ELFN1: variants seen among roughly 807,000 people sequenced by gnomAD.
ELFN1 encodes extracellular leucine rich repeat and fibronectin type III domain containing 1, also known as protein ELFN1.
A neutral mutation model predicts 7.6 loss-of-function variants in ELFN1; 6 were observed. That is an observed-to-expected ratio of 0.79 (90% CI 0.43 to 1.56). ELFN1 has a LOEUF of 1.56. Ranked by LOEUF, ELFN1 falls within the 40% of genes most tolerant of loss-of-function variation. The probability of loss-of-function intolerance (pLI) is 0.01; values close to 1 mark genes in which losing one functional copy is unlikely to be tolerated. For missense variants in ELFN1, 1,169 were observed against 1,232.2 expected, an observed-to-expected ratio of 0.95 and a Z score of 0.77; for synonymous variants, 657 against 588.1, an observed-to-expected ratio of 1.12 and a Z score of -1.70.
intron 2 of ELFN1, among the ~76,000 whole-genome samples, chr7:1,697,106 C>T (rs1025621029): frequency 1.5e-4 from 23 of 152,274 alleles, no homozygotes; most frequent in Admixed American, 1.1e-3. Flanking sequence ...CTGGGCTTCG[C>T]GGCAGGGGTG....
chr7:1,672,788 C>T (rs1238868688), intron 1 of ELFN1, among the ~76,000 whole-genome samples: 1 of 152,066 alleles, frequency 6.6e-6, no homozygotes. Flanking sequence ...CCGTGCCAGA[C>T]TCAGACACCA....
intron 3 of ELFN1, among the ~76,000 whole-genome samples, chr7:1,717,429 GAC>G (rs1260187347): frequency 6.6e-6 from 1 of 152,210 alleles, no homozygotes; most frequent in Non-Finnish European, 1.5e-5. Context: ...GAGACTCTGG[GAC>G]ACCCAGGAAG....
chr7:1,706,532 C>T (rs894525989), intron 2 of ELFN1, among the ~76,000 whole-genome samples: 2 of 152,256 alleles, frequency 1.3e-5, no homozygotes, highest in East Asian at 1.9e-4. Context: ...CCACCCTCCA[C>T]GACATGCAAA....
At chr7:1,741,869 C>T (rs1330460540) in intron 3 of ELFN1, among the ~76,000 whole-genome samples, 2 of 152,078 alleles carry the variant, frequency 1.3e-5, no homozygotes, top group African/African-American at 4.8e-5. Context: ...AGGGGGTCCT[C>T]AGTGACACCT....
In ELFN1 at chr7:1,695,134, G is replaced by C. The variant is rs117688552; in HGVS notation, c.-456+6984G>C. Among the ~76,000 whole-genome samples the C allele has an allele frequency of 6.5e-3, 989 of 152,340 alleles. 7 individuals carry two copies. The highest frequency in any genetic ancestry group is 0.014 in the Middle Eastern group (4 of 294). On this transcript the variant is annotated intron_variant, in intron 2 of 3. Transcript: ENST00000424383. This position sits in a 1 kb window ranked among gnomAD's most constrained non-coding sequence, Gnocchi z 5.1. The stretch of plus-strand genomic sequence containing the variant: ...GACGTGGCCGACAGGCACATGGTGG[G>C]ACCTGCTCTGTGGCTCCAGAGCTCA...
chr7:1,678,572 C>T (rs1778917102), intron 1 of ELFN1, among the ~76,000 whole-genome samples: 1 of 152,210 alleles, frequency 6.6e-6, no homozygotes, highest in South Asian at 2.1e-4. Flanking sequence ...GCCCCCACCC[C>T]ACATTTTACA....
intron 3 of ELFN1, among the ~76,000 whole-genome samples, chr7:1,738,466 C>T (rs1376166384): frequency 1.5e-4 from 23 of 152,070 alleles, no homozygotes; most frequent in Admixed American, 1.5e-3. Flanking sequence ...GGCCGGGTGT[C>T]GTGACATACA....
At chr7:1,680,795 G>A (rs1583312781) in intron 1 of ELFN1, among the ~76,000 whole-genome samples, 1 of 145,572 alleles carries the variant, frequency 6.9e-6, no homozygotes, top group Middle Eastern at 3.5e-3. Context: ...AGGCTGGAGT[G>A]CAGTGGTGCG....
chr7:1,691,091 G>T (rs553328856), intron 2 of ELFN1, among the ~76,000 whole-genome samples: 6 of 152,258 alleles, frequency 3.9e-5, no homozygotes, highest in South Asian at 2.1e-4. Flanking sequence ...AGATAATGAG[G>T]CCCCCAGAAG....
At chr7:1,668,507 G>A (rs1443196318), upstream of ELFN1, among the ~76,000 whole-genome samples, 4 of 152,230 alleles carry the variant, frequency 2.6e-5, no homozygotes, top group African/African-American at 9.6e-5. Flanking sequence ...CCCGGAGCCC[G>A]GTGGTCATCT....
In ELFN1 at chr7:1,744,296, T is replaced by C. The variant is rs964754988; in HGVS notation, c.-293-8T>C. The C allele has an allele frequency of 2.6e-6, 1 of 379,468 alleles. No individual in the cohort carries two copies. Among genetic ancestry groups the C allele is most frequent in the Non-Finnish European group, 4.6e-6 (1 of 215,288 alleles). 23.5% of individuals were successfully genotyped at this position (379,468 alleles called of 1,614,324 possible). The stretch of plus-strand genomic sequence containing the variant: ...CCCCTGACCGCTGTCTTCTCTCTTG[T>C]CTTGCAGCAGGAACGTCGGAGCAGG... On this transcript the variant is annotated splice_region_variant and splice_polypyrimidine_tract_variant and intron_variant, in intron 3 of 3. Transcript: ENST00000424383.
Position 1,695,104 on chromosome 7 carries a change from C to T in ELFN1, c.-456+6954C>T, listed in dbSNP as rs1779272813. Reference sequence around the variant, plus strand: ...TCCGGATGCACGTGGCTGTGCCAGGCAGCAGACGTGGCCGACAGGCACATG... The same window carrying T: ...TCCGGATGCACGTGGCTGTGCCAGGTAGCAGACGTGGCCGACAGGCACATG... On this transcript the variant is annotated intron_variant, in intron 2 of 3. Transcript: ENST00000424383. The surrounding 1 kb of genome is among the most constrained non-coding windows in gnomAD (Gnocchi z 5.1). Among the ~76,000 whole-genome samples, 1 of 152,232 alleles carries T rather than the reference C, an allele frequency of 6.6e-6. No homozygotes were observed. The highest frequency in any genetic ancestry group is 6.5e-5 in the Admixed American group (1 of 15,290).
intron 1 of ELFN1, among the ~76,000 whole-genome samples, 136 bp from the exon 2 acceptor site, chr7:1,687,922 G>C (rs915709160): frequency 1.3e-5 from 2 of 151,524 alleles, no homozygotes; most frequent in African/African-American, 4.8e-5. Flanking sequence ...ATAGAGACAG[G>C]GTCTTACTAT....
At chr7:1,716,161 C>A (rs1185641599) in intron 3 of ELFN1, among the ~76,000 whole-genome samples, 1 of 152,224 alleles carries the variant, frequency 6.6e-6, no homozygotes. Context: ...TGTTCCCATC[C>A]CCTGCTCACC....
At chr7:1,712,409 G>A (rs1449585440) in intron 3 of ELFN1, among the ~76,000 whole-genome samples, 2 of 146,424 alleles carry the variant, frequency 1.4e-5, no homozygotes, top group African/African-American at 5.1e-5. Context: ...CATGAGCCAC[G>A]GTGCCCAGCC....
chr7:1,678,262 G>A (rs1305582244), intron 1 of ELFN1, among the ~76,000 whole-genome samples: 1 of 152,162 alleles, frequency 6.6e-6, no homozygotes, highest in Non-Finnish European at 1.5e-5. Context: ...ATGGGGTCCT[G>A]GAGTGCAGCC....
intron 1 of ELFN1, among the ~76,000 whole-genome samples, chr7:1,675,348 G>A (rs565138509): frequency 2.1e-4 from 32 of 152,334 alleles, no homozygotes; most frequent in African/African-American, 7.2e-4. Flanking sequence ...GTCTGTCCAC[G>A]TGACAGGTGC....
intron 2 of ELFN1, among the ~76,000 whole-genome samples, chr7:1,697,257 C>T (rs1562364458): frequency 6.6e-6 from 1 of 152,154 alleles, no homozygotes; most frequent in Non-Finnish European, 1.5e-5. Context: ...CCCATATTCC[C>T]ATCCATGGAC....
intron 3 of ELFN1, among the ~76,000 whole-genome samples, chr7:1,736,047 T>G (rs1293006143): frequency 6.6e-6 from 1 of 152,080 alleles, no homozygotes; most frequent in African/African-American, 2.4e-5. Flanking sequence ...CCCCACCTGC[T>G]CCTAGCTGGG....
Sources: gnomAD v4.1 joint callset for allele counts (sites outside exome capture counted in the v4.1 genomes callset) on GRCh38, gnomAD v4.1.1 for gene constraint, Gnocchi (gnomAD v3.1) non-coding constraint, MANE v1.5 for transcripts, NCBI Gene and HGNC (gene_info 2026-07-23, HGNC 2026-07-21) for gene names.